Variants in CYB5R4 observed in about 807,000 individuals in gnomAD.
The protein encoded by CYB5R4 is cytochrome b5 reductase 4, also known as N-terminal cytochrome b5 and cytochrome b5 oxidoreductase domain-containing protein.
CYB5R4 carries 55 observed loss-of-function variants against 70.2 expected under a neutral mutation model. The observed-to-expected ratio is 0.78, with a 90% CI of 0.63 to 0.98. The LOEUF (loss-of-function observed/expected upper bound fraction) is 0.98. Ranked by LOEUF, CYB5R4 falls within the 50% of genes least tolerant of loss-of-function variation. CYB5R4 has a pLI of 0.00. For synonymous variants in CYB5R4, 197 were observed against 199.5 expected (o/e 0.99, Z 0.11); for missense variants, 562 against 612.6 (o/e 0.92, Z 0.87).
chr6:83,923,358 A>G (rs1214113920), intron 9 of CYB5R4, among the ~76,000 whole-genome samples: 6 of 152,096 alleles, frequency 3.9e-5, no homozygotes, highest in Non-Finnish European at 8.8e-5. Context: ...GGCTCTGTAA[A>G]TTGTATAAAT....
intron 15 of CYB5R4, among the ~76,000 whole-genome samples, chr6:83,959,243 A>G (rs1316707944): frequency 6.6e-6 from 1 of 152,218 alleles, no homozygotes; most frequent in Non-Finnish European, 1.5e-5. Flanking sequence ...GCACTCAAAA[A>G]GAGAGGCAAC....
intron 3 of CYB5R4, among the ~76,000 whole-genome samples, chr6:83,895,136 A>G (rs1562832512): frequency 6.6e-6 from 1 of 151,900 alleles, no homozygotes; most frequent in African/African-American, 2.4e-5. Flanking sequence ...GTTATTTGGT[A>G]TTTGCTTTCT....
intron 2 of CYB5R4, among the ~76,000 whole-genome samples, chr6:83,886,608 G>A (rs571213511): frequency 3.3e-5 from 5 of 152,290 alleles, no homozygotes; most frequent in Middle Eastern, 3.4e-3. Context: ...GTAGACTAGT[G>A]GTTACCTAGG....
At chr6:83,923,738 T>C (rs2099466799) in intron 9 of CYB5R4, among the ~76,000 whole-genome samples, 1 of 152,136 alleles carries the variant, frequency 6.6e-6, no homozygotes, top group South Asian at 2.1e-4. Flanking sequence ...CATGAGGCTC[T>C]TCTTGTGTTT....
At chr6:83,956,249 G>A (rs1045624530) in intron 15 of CYB5R4, among the ~76,000 whole-genome samples, 1 of 152,124 alleles carries the variant, frequency 6.6e-6, no homozygotes, top group South Asian at 2.1e-4. Context: ...GAGAACATGT[G>A]CCCAAGGTGG....
At chr6:83,936,809 C>T (rs2099468990) in intron 12 of CYB5R4, among the ~76,000 whole-genome samples, 1 of 152,230 alleles carries the variant, frequency 6.6e-6, no homozygotes, top group African/African-American at 2.4e-5. Context: ...ATCTGTACTG[C>T]ATGACCTACA....
intron 3 of CYB5R4, among the ~76,000 whole-genome samples, chr6:83,906,482 A>G (rs2099463795): frequency 1.3e-5 from 2 of 152,094 alleles, no homozygotes; most frequent in South Asian, 4.1e-4. Flanking sequence ...CTCTATTTTA[A>G]TGTCAGGGCC....
intron 10 of CYB5R4, among the ~76,000 whole-genome samples, chr6:83,933,754 T>C (rs889344334): frequency 6.6e-6 from 1 of 152,240 alleles, no homozygotes; most frequent in South Asian, 2.1e-4. Context: ...CAATATTTTC[T>C]GAGCTTGGGA....
intron 3 of CYB5R4, among the ~76,000 whole-genome samples, chr6:83,901,300 C>A (rs2099462905): frequency 6.6e-6 from 1 of 152,224 alleles, no homozygotes; most frequent in Non-Finnish European, 1.5e-5. Context: ...CCCCCACTCT[C>A]TTCTGGCTTG....
At chr6:83,867,284 A>G (rs769360425) in intron 2 of CYB5R4, among the ~76,000 whole-genome samples, 39 of 152,334 alleles carry the variant, frequency 2.6e-4, no homozygotes, top group Middle Eastern at 3.4e-3. Flanking sequence ...AGGCCTGAAC[A>G]AAGGTACAAA....
At chr6:83,884,339 G>T (rs2099459932) in intron 2 of CYB5R4, among the ~76,000 whole-genome samples, 1 of 151,940 alleles carries the variant, frequency 6.6e-6, no homozygotes, top group Non-Finnish European at 1.5e-5. Context: ...AAATGTTTGG[G>T]AAAAAGTATG....
At position 83,966,279 on chromosome 6, in the gene CYB5R4, A is replaced by T. The variant is rs1434829981; in HGVS notation, c.*6401A>T. 1 of 152,250 alleles carries T rather than the reference A, an allele frequency of 6.6e-6. No individual in the cohort carries two copies. Among genetic ancestry groups the T allele is most frequent in the Non-Finnish European group, 1.5e-5 (1 of 68,052 alleles). The allele number at this position is 152,250 out of a possible 1,614,324, so 9.4% of individuals were successfully genotyped here. ...AGATGAATTGTATCTAATTTGAACC[A>T]TATCTCAGTAAAGATATAAAAATGT... is the stretch of plus-strand genomic sequence containing the variant. On this transcript the variant is annotated 3_prime_UTR_variant, in exon 16 of 16. Coordinates refer to ENST00000369681, the MANE Select transcript of CYB5R4 (RefSeq NM_016230.4).
intron 4 of CYB5R4, among the ~76,000 whole-genome samples, chr6:83,911,493 C>G (rs796433821): frequency 7.2e-5 from 11 of 152,112 alleles, no homozygotes; most frequent in African/African-American, 2.4e-4. Flanking sequence ...TAATACCAAC[C>G]TTTTGGAATA....
Position 83,922,476 on chromosome 6 carries a change from C to T in CYB5R4, c.691+6C>T, listed in dbSNP as rs1562840030. The T allele has an allele frequency of 1.9e-6, 3 of 1,611,556 alleles. No individual in the cohort carries two copies. Among genetic ancestry groups the T allele is most frequent in the Non-Finnish European group, 2.5e-6 (3 of 1,178,062 alleles). On this transcript the variant is annotated splice_donor_region_variant and intron_variant, in intron 9 of 15. Coordinates refer to ENST00000369681, the MANE Select transcript of CYB5R4 (RefSeq NM_016230.4). ...GGTTCAGGAAGATTTTTCTGGTAAG[C>T]TACCAAAAACCAAAAATTATGTATG...
chr6:83,908,636 C>G (rs2099464187), intron 3 of CYB5R4, among the ~76,000 whole-genome samples: 1 of 152,106 alleles, frequency 6.6e-6, no homozygotes, highest in Admixed American at 6.6e-5. Flanking sequence ...TGTTTGGACC[C>G]ACTGCCTTGA....
At position 83,965,925 on chromosome 6, in the gene CYB5R4, TGTAAGAA is replaced by T. The variant is rs1412468878; in HGVS notation, c.*6051_*6057del. On this transcript the variant is annotated 3_prime_UTR_variant, in exon 16 of 16. Coordinates refer to ENST00000369681, the MANE Select transcript of CYB5R4 (RefSeq NM_016230.4). Reference sequence around the variant, plus strand: ...TTACTCATTTCTCTTGCTGCCACCCTGTAAGAAGTATTTTTAACCTACCGCCATGATT... The same window carrying T: ...TTACTCATTTCTCTTGCTGCCACCCTGTATTTTTAACCTACCGCCATGATT... 2 of 152,350 alleles carry T rather than the reference TGTAAGAA, an allele frequency of 1.3e-5. No individual in the cohort carries two copies. The highest frequency in any genetic ancestry group is 2.4e-5 in the African/African-American group (1 of 41,456). 9.4% of individuals were successfully genotyped at this position (152,350 alleles called of 1,614,324 possible). A position where few individuals can be genotyped will look rare whatever the true frequency, so the allele number is the denominator to read the frequency against.
chr6:83,934,405 A>G (rs945650748), intron 10 of CYB5R4, among the ~76,000 whole-genome samples, 190 bp from the exon 11 acceptor site: 3 of 152,192 alleles, frequency 2.0e-5, no homozygotes, highest in African/African-American at 7.2e-5. Flanking sequence ...GGTCTTGGTC[A>G]ACACATATCT....
intron 14 of CYB5R4, among the ~76,000 whole-genome samples, chr6:83,942,583 C>G (rs1383128815): frequency 6.6e-6 from 1 of 152,042 alleles, no homozygotes; most frequent in Non-Finnish European, 1.5e-5. Flanking sequence ...TTTTTGTACC[C>G]CAGTGGCGCC....
intron 12 of CYB5R4, 89 bp downstream of exon 12, chr6:83,936,465 A>G: frequency 2.5e-6 from 3 of 1,188,386 alleles, no homozygotes; most frequent in South Asian, 2.8e-5. Flanking sequence ...AGTCTATCAG[A>G]TATCTTTAAC....
Sources: gnomAD v4.1 joint callset for allele counts (sites outside exome capture counted in the v4.1 genomes callset) on GRCh38, gnomAD v4.1.1 for gene constraint, MANE v1.5 for transcripts, NCBI Gene and HGNC (gene_info 2026-07-23, HGNC 2026-07-21) for gene names.